The following AP3S2 variants were observed in gnomAD, a reference collection of about 807,000 sequenced individuals.
The protein encoded by AP3S2 is AP-3 complex subunit sigma-2.
AP3S2 carries 22 observed loss-of-function variants against 23.4 expected under a neutral mutation model. The observed-to-expected ratio is 0.94, with a 90% confidence interval of 0.67 to 1.34. The LOEUF is 1.34. Ranked by LOEUF, AP3S2 falls within the 40% of genes most tolerant of loss-of-function variation. The pLI, the probability that AP3S2 is intolerant of heterozygous loss-of-function variation, is 0.00. For synonymous variants in AP3S2, 86 were observed against 87.1 expected, an observed-to-expected ratio of 0.99 and a Z score of 0.07; for missense variants, 241 against 236.9, an observed-to-expected ratio of 1.02 and a Z score of -0.11.
intron 3 of AP3S2, chr15:89,877,371 T>C (rs887207492): frequency 1.5e-6 from 2 of 1,293,354 alleles, no homozygotes; most frequent in Non-Finnish European, 2.0e-6. Context: ...AAAGAGCTAG[T>C]GTTCCAGTTT....
chr15:89,851,735 T>G (rs529929724), intron 4 of AP3S2, among the ~76,000 whole-genome samples: 2 of 152,340 alleles, frequency 1.3e-5, no homozygotes, highest in East Asian at 1.9e-4. Flanking sequence ...GTATACTCAC[T>G]ACATATTATT....
chr15:89,865,269 C>A (rs536370203), intron 4 of AP3S2, among the ~76,000 whole-genome samples: 3 of 152,012 alleles, frequency 2.0e-5, no homozygotes, highest in Non-Finnish European at 4.4e-5. Flanking sequence ...TATATTAGCA[C>A]TGGCTCCTAA....
intron 4 of AP3S2, among the ~76,000 whole-genome samples, chr15:89,838,375 C>T (rs974094531): frequency 1.3e-5 from 2 of 152,200 alleles, no homozygotes; most frequent in Non-Finnish European, 2.9e-5. Flanking sequence ...GCAGATTCAG[C>T]ATAAACACCT....
At chr15:89,887,289 T>A (rs1443900865) in intron 3 of AP3S2, among the ~76,000 whole-genome samples, 2 of 152,236 alleles carry the variant, frequency 1.3e-5, no homozygotes, top group African/African-American at 4.8e-5. Context: ...TTCAATTTAT[T>A]TGTTCCAAGA....
chr15:89,847,765 A>C (rs1596191736), intron 4 of AP3S2, among the ~76,000 whole-genome samples: 1 of 152,350 alleles, frequency 6.6e-6, no homozygotes, highest in East Asian at 1.9e-4. Flanking sequence ...TAAATTGGTC[A>C]TGTTCCAAAT....
intron 4 of AP3S2, among the ~76,000 whole-genome samples, chr15:89,859,584 G>A (rs1183344327): frequency 9.3e-5 from 14 of 150,986 alleles, no homozygotes; most frequent in Admixed American, 6.6e-4. Flanking sequence ...TAGTAGAGAC[G>A]GAGTTTCACC....
chr15:89,853,237 GC>G (rs1247427240), intron 4 of AP3S2, among the ~76,000 whole-genome samples: 7 of 152,030 alleles, frequency 4.6e-5, no homozygotes, highest in Admixed American at 4.6e-4. Context: ...TAGTCTTAAG[GC>G]ACAATATAGG....
Position 89,893,943 on chromosome 15 carries a change from G to A in AP3S2, c.7C>T (p.Gln3Ter). 6.4e-7 allele frequency: 1 copy of A among 1,551,562 alleles called. No homozygotes were observed. Among genetic ancestry groups the A allele is most frequent in the Non-Finnish European group, 8.7e-7 (1 of 1,146,976 alleles). The part of the protein sequence containing the change: MI[Q>*]AILVFNNHGK... ...TGGTTGTTGAAAACCAGAATCGCCT[G>A]AATCATCTTTGCCAGCCACGGTTCT... Residue 3 changes from glutamine to a stop codon, truncating the protein, a stop_gained, in exon 1 of 6, where the codon CAG becomes TAG. Transcript: ENST00000336418. LOFTEE classifies it high-confidence loss of function.
chr15:89,838,530 C>A (rs1290242531), intron 4 of AP3S2, among the ~76,000 whole-genome samples: 2 of 152,178 alleles, frequency 1.3e-5, no homozygotes, highest in Non-Finnish European at 2.9e-5. Context: ...AAAGCTGTCA[C>A]AGAAAGCCCT....
chr15:89,884,847 A>C (rs1896657625), intron 3 of AP3S2, among the ~76,000 whole-genome samples: 2 of 151,948 alleles, frequency 1.3e-5, no homozygotes, highest in Admixed American at 1.3e-4. Flanking sequence ...ACAAGGTTTC[A>C]CCATATTGGC....
At chr15:89,844,823 C>T (rs1895446683) in intron 4 of AP3S2, among the ~76,000 whole-genome samples, 1 of 152,196 alleles carries the variant, frequency 6.6e-6, no homozygotes, top group African/African-American at 2.4e-5. Context: ...CCATAGTTAT[C>T]TTGCCCAAAC....
intron 3 of AP3S2, among the ~76,000 whole-genome samples, chr15:89,879,428 G>C (rs1201982830): frequency 1.3e-5 from 2 of 152,086 alleles, no homozygotes; most frequent in East Asian, 3.9e-4. Flanking sequence ...CTTTACAATA[G>C]CAAGAAATTG....
In AP3S2 at chr15:89,866,487, CT is replaced by C. The variant is rs926497551; in HGVS notation, c.345+4987del. Among the ~76,000 whole-genome samples the C allele has an allele frequency of 5.0e-3, 693 of 138,096 alleles. 1 individual carries two copies. The highest frequency in any genetic ancestry group is 9.1e-3 in the African/African-American group (346 of 37,824). 90.6% of individuals were successfully genotyped at this position (138,096 alleles called of 152,430 possible). On this transcript the variant is annotated intron_variant, in intron 4 of 5. Coordinates refer to ENST00000336418, the MANE Select transcript of AP3S2 (RefSeq NM_005829.5). The stretch of plus-strand genomic sequence containing the variant: ...GCAGCTGGCATTCCCAGACAACTTC[CT>C]TTTTTTTTTTTTTTGAAATGGAGTT...
chr15:89,877,665 A>G (rs1896475150), intron 3 of AP3S2, among the ~76,000 whole-genome samples: 2 of 152,082 alleles, frequency 1.3e-5, no homozygotes, highest in Non-Finnish European at 1.5e-5. Flanking sequence ...CCTGAGCAAC[A>G]TGGTGAAAAC....
At chr15:89,851,035 T>C (rs1031155332) in intron 4 of AP3S2, among the ~76,000 whole-genome samples, 5 of 152,038 alleles carry the variant, frequency 3.3e-5, no homozygotes, top group African/African-American at 1.2e-4. Context: ...TCTCTAACAA[T>C]GTCTATTTTC....
At chr15:89,852,683 CAAAAAAAG>C (rs1478960874) in intron 4 of AP3S2, 1 of 151,852 alleles carries the variant, frequency 6.6e-6, no homozygotes, top group Non-Finnish European at 1.5e-5. Flanking sequence ...GGCCATAAAA[CAAAAAAAG>C]AAAAAAAGTC....
At chr15:89,885,934 CAAAAA>C (rs34323747) in intron 3 of AP3S2, among the ~76,000 whole-genome samples, 7 of 104,920 alleles carry the variant, frequency 6.7e-5, no homozygotes, top group Admixed American at 2.1e-4. Flanking sequence ...GACCTTGTCT[CAAAAA>C]AAAAAAAAAA....
intron 3 of AP3S2, among the ~76,000 whole-genome samples, chr15:89,882,341 C>G (rs1471571840): frequency 6.6e-6 from 1 of 151,758 alleles, no homozygotes; most frequent in African/African-American, 2.4e-5. Flanking sequence ...ACTCATTTTA[C>G]CCCCCTGTTC....
rs142341193 is a variant in AP3S2, at chr15:89,835,423, C to T, written c.*92G>A. 1 of 1,572,324 alleles carries T rather than the reference C, an allele frequency of 6.4e-7. No homozygotes were observed. The highest frequency in any genetic ancestry group is 1.2e-5 in the South Asian group (1 of 83,764). On this transcript the variant is annotated 3_prime_UTR_variant, in exon 6 of 6. Transcript: ENST00000336418. ...TTCCAGGTCCTGAGGCTTGACTCTT[C>T]TAAGGCTCAAAATGGGTTCTGTTTC...
Sources: allele counts gnomAD v4.1 joint callset (sites outside exome capture counted in the v4.1 genomes callset), GRCh38; gene constraint gnomAD v4.1.1; transcripts MANE v1.5; gene names NCBI Gene and HGNC (gene_info 2026-07-23, HGNC 2026-07-21).